The following TEX11 variants were observed in gnomAD, a reference collection of about 807,000 sequenced individuals.
The protein encoded by TEX11 is testis expressed 11, also known as testis-expressed protein 11.
A neutral mutation model predicts 84.4 loss-of-function variants in TEX11; 7 were observed. The observed-to-expected ratio is 0.08, with a 90% CI of 0.05 to 0.16. The LOEUF (loss-of-function observed/expected upper bound fraction) is 0.16. Ranked by LOEUF, TEX11 falls within the 10% of genes least tolerant of loss-of-function variation. TEX11 has a pLI of 1.00. For synonymous variants in TEX11, 264 were observed against 222.8 expected, an observed-to-expected ratio of 1.18 and a Z score of -1.64; for missense variants, 551 against 660.5, an observed-to-expected ratio of 0.83 and a Z score of 1.82.
chrX:70,583,089 C>T (rs1017597288), intron 25 of TEX11, among the ~76,000 whole-genome samples: 2 of 110,521 alleles, frequency 1.8e-5, no homozygotes, highest in South Asian at 7.7e-4. Context: ...CACTCATGAT[C>T]CTATTTATTT....
chrX:70,698,200 G>A (rs1234794195), intron 13 of TEX11, among the ~76,000 whole-genome samples: 1 of 110,381 alleles, frequency 9.1e-6, no homozygotes, highest in Non-Finnish European at 1.9e-5. Flanking sequence ...TTCACTTTTA[G>A]TTGTTTTGAA....
At chrX:70,574,529 G>GTTC (rs1313611935) in intron 25 of TEX11, among the ~76,000 whole-genome samples, 1 of 111,534 alleles carries the variant, frequency 9.0e-6, no homozygotes, top group East Asian at 2.8e-4. Context: ...TTTGCAGAGG[G>GTTC]TTCTCTAAGA....
chrX:70,711,449 T>C lies in TEX11; in HGVS notation c.1004+11169A>G, dbSNP rs1415623403. On this transcript the variant is annotated intron_variant, in intron 13 of 29. Coordinates refer to ENST00000374333, the MANE Select transcript of TEX11 (RefSeq NM_031276.3). ...ATTTCTCCACATCCTCTCCAGCACC[T>C]GTTGTTTCCTGACTTTTTAATGATC... Among the ~76,000 whole-genome samples, 5 of 109,505 alleles carry C rather than the reference T, an allele frequency of 4.6e-5. No individual in the cohort carries two copies. In the East Asian group the frequency reaches 1.4e-3, roughly 32 times the overall value.
intron 17 of TEX11, among the ~76,000 whole-genome samples, chrX:70,643,467 AT>A (rs1483975634): frequency 2.3e-5 from 2 of 88,184 alleles, no homozygotes; most frequent in Non-Finnish European, 4.4e-5. Flanking sequence ...CGCCAAGTCA[AT>A]CCTAAGCCAA....
intron 9 of TEX11, among the ~76,000 whole-genome samples, chrX:70,750,507 A>G (rs1602096424): frequency 1.8e-5 from 2 of 110,275 alleles, no homozygotes; most frequent in African/African-American, 3.3e-5. Context: ...AATAGCAAAG[A>G]CTTGGAACCA....
At chrX:70,734,664 G>C (rs1309872053) in intron 11 of TEX11, among the ~76,000 whole-genome samples, 2 of 112,053 alleles carry the variant, frequency 1.8e-5, no homozygotes, top group Non-Finnish European at 3.8e-5. Flanking sequence ...AACAATCCTG[G>C]AATCAGCATT....
chrX:70,734,331 C>G (rs746314162), intron 11 of TEX11, among the ~76,000 whole-genome samples: 1 of 110,418 alleles, frequency 9.1e-6, no homozygotes, highest in Admixed American at 9.6e-5. Flanking sequence ...AAAAGAAATT[C>G]AAGCCCCATC....
At position 70,629,596 on chromosome X, in the gene TEX11, A is replaced by G. The variant is rs1232812071; in HGVS notation, c.1608+15T>C. 1 of 1,204,003 alleles carries G rather than the reference A, an allele frequency of 8.3e-7. No individual in the cohort carries two copies. Among genetic ancestry groups the G allele is most frequent in the African/African-American group, 1.8e-5 (1 of 56,895 alleles). The stretch of plus-strand genomic sequence containing the variant: ...AAAGGGATAAAAATCTAGTAGATGA[A>G]TACATATGAATTACCTCTAGAGCAA... On this transcript the variant is annotated intron_variant, in intron 18 of 29. Transcript: ENST00000374333.
chrX:70,731,600 C>A (rs1326010494), intron 11 of TEX11, among the ~76,000 whole-genome samples: 3 of 111,395 alleles, frequency 2.7e-5, no homozygotes, highest in Non-Finnish European at 3.8e-5. Flanking sequence ...CAAGACTAAA[C>A]CAGGAAGAAG....
At chrX:70,727,754 T>C (rs890361996) in intron 11 of TEX11, among the ~76,000 whole-genome samples, 1 of 109,704 alleles carries the variant, frequency 9.1e-6, no homozygotes, top group African/African-American at 3.3e-5. Flanking sequence ...AGATGAGAGA[T>C]GATCTCTCTC....
chrX:70,786,730 G>A (rs748442087), intron 9 of TEX11, among the ~76,000 whole-genome samples: 1 of 111,819 alleles, frequency 8.9e-6, no homozygotes, highest in Admixed American at 9.5e-5. Context: ...TGATCAGGTG[G>A]GATTTATTCC....
intron 25 of TEX11, among the ~76,000 whole-genome samples, chrX:70,562,365 C>T (rs1318668376): frequency 9.0e-6 from 1 of 111,058 alleles, no homozygotes; most frequent in Non-Finnish European, 1.9e-5. Flanking sequence ...ATTTTGGATA[C>T]TGTAATAATT....
chrX:70,747,479 A>G (rs1165235098), intron 9 of TEX11, among the ~76,000 whole-genome samples: 7 of 112,493 alleles, frequency 6.2e-5, no homozygotes, highest in Non-Finnish European at 1.3e-4. Context: ...CTGTATCTAG[A>G]CTTGCTACAA....
intron 7 of TEX11, among the ~76,000 whole-genome samples, chrX:70,848,653 A>G (rs1462810516): frequency 8.9e-6 from 1 of 112,076 alleles, no homozygotes; most frequent in African/African-American, 3.2e-5. Flanking sequence ...AATATATATT[A>G]TATGCTACGT....
Position 70,740,801 on chromosome X carries a change from AAG to A in TEX11, c.748-7_748-6del. The A allele has an allele frequency of 8.8e-7, 1 of 1,136,049 alleles. No individual in the cohort carries two copies. The highest frequency in any genetic ancestry group is 2.5e-5 in the Admixed American group (1 of 39,862). 93.6% of individuals were successfully genotyped at this position (1,136,049 alleles called of 1,213,427 possible). On this transcript the variant is annotated splice_region_variant and splice_polypyrimidine_tract_variant and intron_variant, in intron 10 of 29. Transcript: ENST00000374333. ...TAATAGCCGTAGAACTTTAGCCTGTAAGAAAAAAAAAAAGAAAAAAAGCACAT... is the reference window on the plus strand; with the variant it reads ...TAATAGCCGTAGAACTTTAGCCTGTAAAAAAAAAAAAGAAAAAAAGCACAT...
At chrX:70,905,064 T>A (rs1569464461) in intron 2 of TEX11, among the ~76,000 whole-genome samples, 1 of 112,264 alleles carries the variant, frequency 8.9e-6, no homozygotes. Flanking sequence ...GGCTCTCACC[T>A]GTAATCCTAG....
At chrX:70,514,875 T>C in the TEX11 span, among the ~76,000 whole-genome samples, 1 of 110,546 alleles carries the variant, frequency 9.0e-6, no homozygotes, top group Non-Finnish European at 1.9e-5. Flanking sequence ...CGAGACTAGC[T>C]TGGCCTACAT....
chrX:70,853,202 T>C (rs763465241), intron 6 of TEX11, 46 bp downstream of exon 6: 2 of 1,207,718 alleles, frequency 1.7e-6, no homozygotes, highest in South Asian at 3.5e-5. Context: ...TAACCACAGA[T>C]GTTACTACTA....
At chrX:70,735,343 C>T (rs760445350) in intron 11 of TEX11, among the ~76,000 whole-genome samples, 15 of 111,740 alleles carry the variant, frequency 1.3e-4, no homozygotes, top group African/African-American at 4.2e-4. Context: ...TGAGCCACAG[C>T]GTCCGGCCAG....
Sources: allele counts gnomAD v4.1 joint callset (sites outside exome capture counted in the v4.1 genomes callset), GRCh38; gene constraint gnomAD v4.1.1; transcripts MANE v1.5; gene names NCBI Gene and HGNC (gene_info 2026-07-23, HGNC 2026-07-21).